Variants in MAPK8IP1 observed in about 807,000 individuals in gnomAD.
MAPK8IP1 encodes the protein mitogen-activated protein kinase 8 interacting protein 1.
MAPK8IP1 carries 17 observed loss-of-function variants against 72.6 expected under a neutral mutation model. The ratio of observed to expected loss-of-function variants is 0.23; its 90% confidence interval spans 0.16 to 0.35. The LOEUF (loss-of-function observed/expected upper bound fraction) is 0.35, where lower values mean the gene tolerates loss of function less well. Ranked by LOEUF, MAPK8IP1 falls within the 10% of genes least tolerant of loss-of-function variation. The probability of loss-of-function intolerance (pLI) is 1.00; values close to 1 mark genes in which losing one functional copy is unlikely to be tolerated. For synonymous variants in MAPK8IP1, 401 were observed against 443.4 expected, an observed-to-expected ratio of 0.90 and a Z score of 1.20; for missense variants, 789 against 1,009.7, an observed-to-expected ratio of 0.78 and a Z score of 2.96.
At chr11:45,895,548 T>G (rs2086596852) in intron 1 of MAPK8IP1, among the ~76,000 whole-genome samples, 1 of 145,226 alleles carries the variant, frequency 6.9e-6, no homozygotes, top group Non-Finnish European at 1.5e-5. Context: ...TGAACCCAGG[T>G]GGCAGAGGCT....
In MAPK8IP1 at chr11:45,902,815, G is replaced by A. The variant is rs570016402; in HGVS notation, c.1048G>A (p.Gly350Arg). Residue 350 changes from glycine (G) to arginine (R), a missense_variant, in exon 5 of 12, where the codon GGA (glycine) becomes AGA (arginine). By Grantham distance (125) the Gly-to-Arg change is moderately radical (BLOSUM62 -2). This residue lies in a region of MAPK8IP1 where 377 missense variants were observed against 411.7 expected (regional missense o/e 0.92). Coordinates refer to ENST00000241014, the MANE Select transcript of MAPK8IP1 (RefSeq NM_005456.4). This position sits in a 1 kb window ranked among gnomAD's most constrained non-coding sequence, Gnocchi z 9.3. The part of the protein sequence containing the change: ...SSPERAEPPG[G>R]GWRGSLGEPP... ...CCCAGAGCGGGCTGAGCCCCCAGGC[G>A]GAGGGTGGCGGGGGAGCCTGGGGGA... 27 of 1,582,462 alleles carry A rather than the reference G, an allele frequency of 1.7e-5. No homozygotes were observed. The highest frequency in any genetic ancestry group is 5.4e-5 in the Admixed American group (3 of 55,582).
At chr11:45,891,667 T>C (rs147645232) in intron 1 of MAPK8IP1, among the ~76,000 whole-genome samples, 2 of 152,366 alleles carry the variant, frequency 1.3e-5, no homozygotes, top group African/African-American at 2.4e-5. Context: ...CAACTCTGTG[T>C]CCATGTGAGT....
At chr11:45,888,697 TAC>T (rs1287050678) in intron 1 of MAPK8IP1, among the ~76,000 whole-genome samples, 1 of 152,000 alleles carries the variant, frequency 6.6e-6, no homozygotes, top group Non-Finnish European at 1.5e-5. Context: ...TTATTTTACA[TAC>T]TTTTTTTTTT....
chr11:45,892,947 G>GCC (rs2134667191), intron 1 of MAPK8IP1, among the ~76,000 whole-genome samples: 1 of 152,322 alleles, frequency 6.6e-6, no homozygotes, highest in Non-Finnish European at 1.5e-5. Flanking sequence ...CTCACTGGGA[G>GCC]CCAGCTTCGT....
intron 1 of MAPK8IP1, chr11:45,896,822 C>A (rs1245348915): frequency 4.5e-6 from 7 of 1,546,086 alleles, no homozygotes; most frequent in Non-Finnish European, 5.2e-6. Flanking sequence ...CCCCACCCTT[C>A]CGGGCATGAG....
At chr11:45,889,555 G>C (rs776327747) in intron 1 of MAPK8IP1, among the ~76,000 whole-genome samples, 1 of 152,182 alleles carries the variant, frequency 6.6e-6, no homozygotes, top group East Asian at 1.9e-4. Context: ...GACAGTTCAC[G>C]TGGGAGGAAC....
Position 45,902,202 on chromosome 11 carries a change from G to A in MAPK8IP1, c.604+141G>A. On this transcript the variant is annotated intron_variant, in intron 4 of 11. Transcript: ENST00000241014. The surrounding 1 kb of genome is among the most constrained non-coding windows in gnomAD (Gnocchi z 9.3). ...CATCCCTGCACGAGCCCATCCAGGGGCTGAGATCAGTGGTGGCATGAGTGA... is the reference window on the plus strand; with the variant it reads ...CATCCCTGCACGAGCCCATCCAGGGACTGAGATCAGTGGTGGCATGAGTGA... The A allele has an allele frequency of 1.0e-6, 1 of 994,906 alleles. No individual in the cohort carries two copies. Among genetic ancestry groups the A allele is most frequent in the South Asian group, 1.3e-5 (1 of 77,282 alleles). 61.6% of individuals were successfully genotyped at this position (994,906 alleles called of 1,614,324 possible). A position where few individuals can be genotyped will look rare whatever the true frequency, so the allele number is the denominator to read the frequency against.
At chr11:45,886,645 C>T (rs887827675) in intron 1 of MAPK8IP1, among the ~76,000 whole-genome samples, 1 of 152,116 alleles carries the variant, frequency 6.6e-6, no homozygotes, top group Admixed American at 6.5e-5. Context: ...ACCACCCCCA[C>T]CCCCCAATCT....
At position 45,904,385 on chromosome 11, in the gene MAPK8IP1, C is replaced by T; in HGVS notation, c.1667-70C>T. 7.3e-7 allele frequency: 1 copy of T among 1,366,008 alleles called. No individual in the cohort carries two copies. Among genetic ancestry groups the T allele is most frequent in the South Asian group, 1.2e-5 (1 of 83,646 alleles). 84.6% of individuals were successfully genotyped at this position (1,366,008 alleles called of 1,614,324 possible). A position where few individuals can be genotyped will look rare whatever the true frequency, so the allele number is the denominator to read the frequency against. ...CTGCCATTCCCCGTGCCTCACCCAC[C>T]CTCCTTCACTTGGCTGCTCAGCTCC... On this transcript the variant is annotated intron_variant, in intron 7 of 11. Transcript: ENST00000241014. This position sits in a 1 kb window ranked among gnomAD's most constrained non-coding sequence, Gnocchi z 6.4.
Position 45,905,018 on chromosome 11 carries a change from C to T in MAPK8IP1, c.1941C>T (p.Cys647=), listed in dbSNP as rs374493027. ...TCCAGTTAAAAAACATCTCTTTCTG[C>T]GGATATCATCCAAAGAACAACAAGT... ...HFFQLKNISF[C]GYHPKNNKYF... Residue 647 remains cysteine, a synonymous_variant, in exon 10 of 12, where the codon TGC becomes TGT. Coordinates refer to ENST00000241014, the MANE Select transcript of MAPK8IP1 (RefSeq NM_005456.4). 5.3e-5 allele frequency: 85 copies of T among 1,614,106 alleles called. No homozygotes were observed. Among genetic ancestry groups the T allele is most frequent in the African/African-American group, 3.3e-4 (25 of 75,020 alleles).
chr11:45,904,079 C>T lies in MAPK8IP1; in HGVS notation c.1584C>T (p.Ala528=), dbSNP rs1434766342. ...AGGCTGAAGACTACTGGTACGAGGC[C>T]TACAACATGCGCACTGGTGCCCGGG... ...ELQAEDYWYE[A]YNMRTGARGV... The change falls in exon 7 of 12, where the codon GCC becomes GCT. Residue 528 remains alanine, a synonymous_variant. Coordinates refer to ENST00000241014, the MANE Select transcript of MAPK8IP1 (RefSeq NM_005456.4). The surrounding 1 kb of genome is among the most constrained non-coding windows in gnomAD (Gnocchi z 6.4). 6.2e-7 allele frequency: 1 copy of T among 1,614,048 alleles called. No individual in the cohort carries two copies. Among genetic ancestry groups the T allele is most frequent in the East Asian group, 2.2e-5 (1 of 44,878 alleles).
At chr11:45,890,950 G>A (rs772230210) in intron 1 of MAPK8IP1, among the ~76,000 whole-genome samples, 25 of 152,186 alleles carry the variant, frequency 1.6e-4, no homozygotes, top group Non-Finnish European at 3.4e-4. Context: ...GCAGGAAGAT[G>A]GCTGGCCGGT....
At position 45,903,379 on chromosome 11, in the gene MAPK8IP1, G is replaced by A. The variant is rs1268429340; in HGVS notation, c.1432G>A (p.Gly478Arg). 20 of 1,613,688 alleles carry A rather than the reference G, an allele frequency of 1.2e-5. No individual in the cohort carries two copies. The highest frequency in any genetic ancestry group is 1.1e-4 in the South Asian group (10 of 91,052). ...RSRSSSAESF[G>R]LFSCIINGEE... is the part of the protein sequence containing the mutation. Reference sequence around the variant, plus strand: ...CTCACCTGCAGGTGCTGAGTCCTTCGGGCTGTTCTCCTGCATCATCAACGG... The same window carrying A: ...CTCACCTGCAGGTGCTGAGTCCTTCAGGCTGTTCTCCTGCATCATCAACGG... The change falls in exon 6 of 12, where the codon GGG becomes AGG. Residue 478 changes from glycine (G) to arginine (R), a missense_variant. This residue lies in a region of MAPK8IP1 where 377 missense variants were observed against 411.7 expected (regional missense o/e 0.92). Coordinates refer to ENST00000241014, the MANE Select transcript of MAPK8IP1 (RefSeq NM_005456.4). The surrounding 1 kb of genome is among the most constrained non-coding windows in gnomAD (Gnocchi z 6.4).
intron 2 of MAPK8IP1, among the ~76,000 whole-genome samples, chr11:45,899,344 G>A (rs1443548138): frequency 6.6e-6 from 1 of 152,282 alleles, no homozygotes; most frequent in Non-Finnish European, 1.5e-5. Flanking sequence ...CTGGCCAGAG[G>A]TGTGCCCCTA....
rs771830494 is a variant in MAPK8IP1, at chr11:45,903,123, C to T, written c.1356C>T (p.Pro452=). 3.5e-5 allele frequency: 56 copies of T among 1,608,338 alleles called. No homozygotes were observed. Among genetic ancestry groups the T allele is most frequent in the Non-Finnish European group, 4.5e-5 (53 of 1,177,676 alleles). ...CCGAGGACTCCACGCCTGATGAACC[C>T]GACGTCCATTTCTCCAAGAAATTCC... ...CLSEDSTPDE[P]DVHFSKKFLN... The change falls in exon 5 of 12, where the codon CCC becomes CCT. Residue 452 remains proline (P), a synonymous_variant. Coordinates refer to ENST00000241014, the MANE Select transcript of MAPK8IP1 (RefSeq NM_005456.4). The surrounding 1 kb of genome is among the most constrained non-coding windows in gnomAD (Gnocchi z 6.4).
Position 45,902,679 on chromosome 11 carries a change from G to A in MAPK8IP1, c.912G>A (p.Glu304=). 6.2e-7 allele frequency: 1 copy of A among 1,611,726 alleles called. No homozygotes were observed. Among genetic ancestry groups the A allele is most frequent in the South Asian group, 1.1e-5 (1 of 91,066 alleles). ...EPTSAFLPPT[E]SRMSVSSDPD... ...CCTCCGCCTTCCTGCCGCCCACTGA[G>A]AGCCGGATGTCAGTCAGCTCCGATC... The change falls in exon 5 of 12, where the codon GAG becomes GAA. Residue 304 remains glutamate (E), a synonymous_variant. Transcript: ENST00000241014. This position sits in a 1 kb window ranked among gnomAD's most constrained non-coding sequence, Gnocchi z 9.3.
chr11:45,889,984 T>A (rs916363684), intron 1 of MAPK8IP1, among the ~76,000 whole-genome samples: 1 of 152,188 alleles, frequency 6.6e-6, no homozygotes, highest in Non-Finnish European at 1.5e-5. Context: ...ACAGATGGGC[T>A]GGTCGGTGTG....
In MAPK8IP1 at chr11:45,900,106, CG is replaced by C; in HGVS notation, c.208-31del. On this transcript the variant is annotated intron_variant, in intron 2 of 11. Coordinates refer to ENST00000241014, the MANE Select transcript of MAPK8IP1 (RefSeq NM_005456.4). The surrounding 1 kb of genome is among the most constrained non-coding windows in gnomAD (Gnocchi z 6.5). ...AGCGGCCTCGGCCCCGCCCCGGCCCCGCCCCCTGACGCCCCTCCGTGCGCTG... is the reference window on the plus strand; with the variant it reads ...AGCGGCCTCGGCCCCGCCCCGGCCCCCCCCCTGACGCCCCTCCGTGCGCTG... The C allele has an allele frequency of 2.5e-6, 3 of 1,190,860 alleles. No homozygotes were observed. The highest frequency in any genetic ancestry group is 3.1e-6 in the Non-Finnish European group (3 of 960,912). The allele number at this position is 1,190,860 out of a possible 1,614,324, so 73.8% of individuals were successfully genotyped here.
rs1212053792 is a variant in MAPK8IP1 at position 45,903,359 on chromosome 11, C to A, written c.1418-6C>A. On this transcript the variant is annotated splice_region_variant and splice_polypyrimidine_tract_variant and intron_variant, in intron 5 of 11. Coordinates refer to ENST00000241014, the MANE Select transcript of MAPK8IP1 (RefSeq NM_005456.4). The surrounding 1 kb of genome is among the most constrained non-coding windows in gnomAD (Gnocchi z 6.4). ...CCCCCATCCAGCCACACCACCTCAC[C>A]TGCAGGTGCTGAGTCCTTCGGGCTG... The A allele has an allele frequency of 6.2e-7, 1 of 1,613,494 alleles. No individual in the cohort carries two copies. The highest frequency in any genetic ancestry group is 1.3e-5 in the African/African-American group (1 of 74,944).
Sources: allele counts gnomAD v4.1 joint callset (sites outside exome capture counted in the v4.1 genomes callset), GRCh38; gene constraint gnomAD v4.1.1; regional missense constraint gnomAD v4.1.1; non-coding constraint Gnocchi (gnomAD v3.1); transcripts MANE v1.5; gene names NCBI Gene and HGNC (gene_info 2026-07-23, HGNC 2026-07-21).